The following CDH13 variants were observed in gnomAD, a reference collection of about 807,000 sequenced individuals.
CDH13 encodes cadherin 13, also known as cadherin-13.
CDH13 carries 24 observed loss-of-function variants against 63.8 expected under a neutral mutation model. That is an observed-to-expected ratio of 0.38 (90% CI 0.27 to 0.53). CDH13 has a LOEUF of 0.53. Among genes scored for constraint, CDH13 ranks in the 20% least tolerant of loss-of-function variants. CDH13 has a pLI of 0.85. For missense variants in CDH13, 1,049 were observed against 903.1 expected (o/e 1.16, Z -2.07); for synonymous variants, 503 against 355.3 (o/e 1.42, Z -4.67).
At chr16:83,702,354 T>A (rs1906368994) in intron 10 of CDH13, among the ~76,000 whole-genome samples, 1 of 152,200 alleles carries the variant, frequency 6.6e-6, no homozygotes, top group South Asian at 2.1e-4. Flanking sequence ...ACAGTCGAAC[T>A]GCAGATGGTG....
intron 6 of CDH13, among the ~76,000 whole-genome samples, chr16:83,387,984 C>T (rs2091707724): frequency 6.6e-6 from 1 of 152,154 alleles, no homozygotes; most frequent in South Asian, 2.1e-4. Context: ...CTTTGGTTAA[C>T]CTTTGTCTTA....
intron 6 of CDH13, among the ~76,000 whole-genome samples, chr16:83,481,090 T>C (rs545753764): frequency 6.6e-6 from 1 of 152,344 alleles, no homozygotes; most frequent in East Asian, 1.9e-4. Flanking sequence ...TTGACAACGA[T>C]GTGCCATTTT....
intron 4 of CDH13, among the ~76,000 whole-genome samples, chr16:83,143,805 T>C (rs11150544): frequency 0.32 from 48,232 of 151,752 alleles, 9,331 homozygotes; most frequent in African/African-American, 0.55. Flanking sequence ...TCTCACCCAC[T>C]ACTCCTCTTT....
At chr16:83,790,524 C>T (rs192837347) in intron 13 of CDH13, among the ~76,000 whole-genome samples, 1 of 152,256 alleles carries the variant, frequency 6.6e-6, no homozygotes, top group Admixed American at 6.5e-5. Context: ...CTCAGCCTCC[C>T]GAGTGGCTGA....
At chr16:82,730,576 T>A (rs981800673) in intron 1 of CDH13, among the ~76,000 whole-genome samples, 1 of 152,152 alleles carries the variant, frequency 6.6e-6, no homozygotes, top group Non-Finnish European at 1.5e-5. Flanking sequence ...ATGACAGATA[T>A]CATAATAATT....
intron 3 of CDH13, among the ~76,000 whole-genome samples, chr16:83,096,004 G>C (rs1225786371): frequency 1.3e-5 from 2 of 152,180 alleles, no homozygotes; most frequent in Non-Finnish European, 2.9e-5. Flanking sequence ...GTCTTTAGGA[G>C]GTAGCAACAA....
chr16:83,146,931 T>C (rs958550397), intron 4 of CDH13, among the ~76,000 whole-genome samples: 2 of 152,028 alleles, frequency 1.3e-5, no homozygotes, highest in South Asian at 4.1e-4. Context: ...CTACTAAAAA[T>C]ACAAAAATTA....
chr16:83,214,386 C>T (rs1351774408), intron 4 of CDH13, among the ~76,000 whole-genome samples: 2 of 151,580 alleles, frequency 1.3e-5, no homozygotes, highest in African/African-American at 2.4e-5. Flanking sequence ...TCGAGATTAG[C>T]GTGGCCAACA....
At chr16:82,655,119 A>C (rs889891230) in intron 1 of CDH13, among the ~76,000 whole-genome samples, 1 of 152,218 alleles carries the variant, frequency 6.6e-6, no homozygotes, top group African/African-American at 2.4e-5. Flanking sequence ...CTGTTCATAC[A>C]TTCATTCATT....
chr16:83,283,901 C>A (rs1218028874), intron 5 of CDH13, among the ~76,000 whole-genome samples: 3 of 151,782 alleles, frequency 2.0e-5, no homozygotes, highest in Non-Finnish European at 4.4e-5. Context: ...TTTTATTAAT[C>A]ATTACATTTT....
chr16:82,755,485 A>G (rs1484067395), intron 1 of CDH13, among the ~76,000 whole-genome samples: 3 of 149,190 alleles, frequency 2.0e-5, no homozygotes, highest in Non-Finnish European at 4.4e-5. Flanking sequence ...TCTTGTAACC[A>G]TATTTTGTCA....
intron 2 of CDH13, among the ~76,000 whole-genome samples, chr16:83,011,990 T>C (rs1204711574): frequency 1.3e-5 from 2 of 152,176 alleles, no homozygotes; most frequent in African/African-American, 4.8e-5. Context: ...CCCACTCTTT[T>C]TGTGTTCAGA....
chr16:83,414,676 T>C (rs1311647487), intron 6 of CDH13, among the ~76,000 whole-genome samples: 2 of 152,250 alleles, frequency 1.3e-5, no homozygotes, highest in Admixed American at 6.5e-5. Flanking sequence ...AGTATTAGTC[T>C]TTCTGAGACT....
chr16:82,779,269 C>G (rs1333235480), intron 1 of CDH13, among the ~76,000 whole-genome samples: 1 of 152,110 alleles, frequency 6.6e-6, no homozygotes, highest in Non-Finnish European at 1.5e-5. Flanking sequence ...AGGGACATGT[C>G]CAAGATCACA....
At chr16:82,809,505 G>A (rs751588763) in intron 1 of CDH13, among the ~76,000 whole-genome samples, 2 of 152,100 alleles carry the variant, frequency 1.3e-5, no homozygotes, top group Non-Finnish European at 2.9e-5. Context: ...GCTTCTTTAA[G>A]CGTGTAAGTG....
chr16:82,720,717 G>A (rs1205919852), intron 1 of CDH13, among the ~76,000 whole-genome samples: 1 of 151,694 alleles, frequency 6.6e-6, no homozygotes, highest in African/African-American at 2.4e-5. Flanking sequence ...AAACAACATT[G>A]AAGAAAACAG....
intron 3 of CDH13, among the ~76,000 whole-genome samples, chr16:83,054,242 T>C (rs72796216): frequency 0.043 from 6,526 of 152,334 alleles, 237 homozygotes; most frequent in African/African-American, 0.1. Flanking sequence ...ATGACTATAG[T>C]ATGCTTTTCC....
intron 2 of CDH13, among the ~76,000 whole-genome samples, chr16:82,945,762 G>A (rs977578195): frequency 2.0e-5 from 3 of 152,162 alleles, no homozygotes; most frequent in Non-Finnish European, 4.4e-5. Flanking sequence ...AAGGCGTTTT[G>A]ATAGGCCAAA....
chr16:83,533,847 C>T (rs2151636366), intron 7 of CDH13, among the ~76,000 whole-genome samples: 2 of 152,164 alleles, frequency 1.3e-5, no homozygotes, highest in South Asian at 4.2e-4. Flanking sequence ...TCTCAAACTC[C>T]TGACCCCAAG....
Sources: allele counts gnomAD v4.1 joint callset (sites outside exome capture counted in the v4.1 genomes callset), GRCh38; gene constraint gnomAD v4.1.1; transcripts MANE v1.5; gene names NCBI Gene and HGNC (gene_info 2026-07-23, HGNC 2026-07-21).